The following C8A variants were observed in gnomAD, a reference collection of about 807,000 sequenced individuals.
C8A encodes complement C8 alpha chain.
C8A carries 67 observed loss-of-function variants against 65.3 expected under a neutral mutation model. The observed-to-expected ratio is 1.03, with a 90% CI of 0.84 to 1.26. The LOEUF (loss-of-function observed/expected upper bound fraction) is 1.26, where lower values mean the gene tolerates loss of function less well. C8A is among the 50% of genes most tolerant of loss of function. C8A has a pLI of 0.00. For synonymous variants in C8A, 290 were observed against 259.4 expected (o/e 1.12, Z -1.13); for missense variants, 781 against 723.9 (o/e 1.08, Z -0.90).
At chr1:56,855,566 G>T (rs1000549195) in intron 1 of C8A, among the ~76,000 whole-genome samples, 3 of 151,446 alleles carry the variant, frequency 2.0e-5, no homozygotes, top group Non-Finnish European at 4.4e-5. Flanking sequence ...AGAGGGAGGT[G>T]ATGTAGTTTC....
intron 6 of C8A, among the ~76,000 whole-genome samples, chr1:56,883,910 GC>G (rs11325537): frequency 0.16 from 23,964 of 150,996 alleles, 2,191 homozygotes; most frequent in East Asian, 0.35. Context: ...TTATCACTTT[GC>G]CCCCCCCATC....
At chr1:56,886,570 C>T (rs1644302129) in intron 7 of C8A, among the ~76,000 whole-genome samples, 1 of 152,098 alleles carries the variant, frequency 6.6e-6, no homozygotes. Context: ...CCTCCTTCTC[C>T]TTCACTCCGG....
chr1:56,912,475 C>A lies in C8A; in HGVS notation c.1453C>A (p.Arg485Ser), dbSNP rs370599466. 1 of 1,614,200 alleles carries A rather than the reference C, an allele frequency of 6.2e-7. No individual in the cohort carries two copies. The highest frequency in any genetic ancestry group is 8.5e-7 in the Non-Finnish European group (1 of 1,180,034). The change falls in exon 10 of 11, where the codon CGC becomes AGC. Residue 485 changes from arginine (R) to serine (S), a missense_variant. Arg to Ser is a moderately radical substitution (Grantham distance 110, BLOSUM62 -1). Transcript: ENST00000361249. ...PLEAKRQNLR[R>S]ALDQYLMEFN... is the part of the protein sequence containing the mutation. Reference sequence around the variant, plus strand: ...GGAGGCCAAGCGCCAGAACCTGCGCCGCGCCTTGGACCAGTATCTGATGGA... The same window carrying A: ...GGAGGCCAAGCGCCAGAACCTGCGCAGCGCCTTGGACCAGTATCTGATGGA...
At chr1:56,917,480 A>G (rs1239000086) in intron 10 of C8A, 85 bp from the exon 11 acceptor site, 3 of 1,441,586 alleles carry the variant, frequency 2.1e-6, no homozygotes, top group East Asian at 4.6e-5. Context: ...AGGGTGCCAC[A>G]CACCCCTCCC....
chr1:56,867,709 C>A lies in C8A; in HGVS notation c.171+7C>A. 4 of 1,607,102 alleles carry A rather than the reference C, an allele frequency of 2.5e-6. No individual in the cohort carries two copies. In the Middle Eastern group the frequency reaches 6.6e-4, roughly 266 times the overall value. On this transcript the variant is annotated splice_region_variant and intron_variant, in intron 2 of 10. Coordinates refer to ENST00000361249, the MANE Select transcript of C8A (RefSeq NM_000562.3). ...TCCGTGCCAGGACAAAAAGGTGAGA[C>A]ACTTACAACCGGTTTGGGGGCATTT...
chr1:56,886,024 T>G lies in C8A; in HGVS notation c.953T>G (p.Leu318Ter), dbSNP rs1336783111. Residue 318 changes from leucine (L) to a stop codon, truncating the protein, a stop_gained, in exon 7 of 11, where the codon TTA becomes TGA. Transcript: ENST00000361249. LOFTEE classifies it high-confidence loss of function. ...CTGGATGAAGGAATGCTGCAGTCAT[T>G]AATGGAGCTTCCAGATCAGTACAAT... ...IMLDEGMLQS[L>*]MELPDQYNYG... The G allele has an allele frequency of 6.2e-7, 1 of 1,614,080 alleles. No homozygotes were observed. The highest frequency in any genetic ancestry group is 1.7e-5 in the Admixed American group (1 of 59,998).
chr1:56,859,611 C>G (rs1340800758), intron 1 of C8A, among the ~76,000 whole-genome samples: 1 of 152,146 alleles, frequency 6.6e-6, no homozygotes, highest in East Asian at 1.9e-4. Context: ...ATCTAGCACA[C>G]AGTGGATACT....
intron 7 of C8A, among the ~76,000 whole-genome samples, chr1:56,905,604 T>A (rs1191638330): frequency 6.6e-6 from 1 of 152,244 alleles, no homozygotes; most frequent in East Asian, 1.9e-4. Context: ...TAAACTTTGA[T>A]GCTCAATACT....
At chr1:56,907,195 T>C (rs1475909636) in intron 8 of C8A, among the ~76,000 whole-genome samples, 2 of 152,224 alleles carry the variant, frequency 1.3e-5, no homozygotes, top group Non-Finnish European at 2.9e-5. Context: ...AGAGGGATTG[T>C]ACAGGAATAT....
chr1:56,892,373 G>T (rs1210658298), intron 7 of C8A, among the ~76,000 whole-genome samples: 1 of 152,076 alleles, frequency 6.6e-6, no homozygotes, highest in Admixed American at 6.6e-5. Flanking sequence ...GGGAGGCATG[G>T]TTTCCTCATT....
At position 56,917,879 on chromosome 1, in the gene C8A, A is replaced by G; in HGVS notation, c.*163A>G. The G allele has an allele frequency of 1.3e-6, 1 of 742,116 alleles. No individual in the cohort carries two copies. Among genetic ancestry groups the G allele is most frequent in the South Asian group, 1.8e-5 (1 of 54,346 alleles). The allele number at this position is 742,116 out of a possible 1,614,324, so 46.0% of individuals were successfully genotyped here. On this transcript the variant is annotated 3_prime_UTR_variant, in exon 11 of 11. Coordinates refer to ENST00000361249, the MANE Select transcript of C8A (RefSeq NM_000562.3). The stretch of plus-strand genomic sequence containing the variant: ...GACTAGGTTTTGCTGTCTACAGCCA[A>G]CTATTCTATTAGTTACAAAACTCAA...
In C8A at chr1:56,875,005, T is replaced by G; in HGVS notation, c.228T>G (p.Gly76=). The G allele has an allele frequency of 2.5e-6, 4 of 1,613,776 alleles. No individual in the cohort carries two copies. Among genetic ancestry groups the G allele is most frequent in the Non-Finnish European group, 3.4e-6 (4 of 1,179,836 alleles). ...AGTTTGGGGGAACCATCTGCAGTGG[T>G]GACATCTGGGATCAAGCCAGCTGCT... ...PNKFGGTICS[G]DIWDQASCSS... The change falls in exon 3 of 11, where the codon GGT becomes GGG. Residue 76 remains glycine (G), a synonymous_variant. Transcript: ENST00000361249.
intron 7 of C8A, among the ~76,000 whole-genome samples, chr1:56,886,816 C>T (rs933364146): frequency 2.6e-5 from 4 of 152,154 alleles, no homozygotes; most frequent in African/African-American, 9.7e-5. Flanking sequence ...AGAATAAAGA[C>T]TATTAGCATC....
chr1:56,904,941 A>T (rs1644452803), intron 7 of C8A, among the ~76,000 whole-genome samples: 1 of 152,144 alleles, frequency 6.6e-6, no homozygotes, highest in African/African-American at 2.4e-5. Flanking sequence ...AGCCCCCATT[A>T]ATCAGCCTGT....
intron 6 of C8A, among the ~76,000 whole-genome samples, chr1:56,885,634 C>T (rs967149031): frequency 3.3e-5 from 5 of 150,476 alleles, no homozygotes; most frequent in South Asian, 2.1e-4. Flanking sequence ...TCACCGCAAC[C>T]TCTGACTCCC....
At chr1:56,905,448 T>G (rs960682927) in intron 7 of C8A, among the ~76,000 whole-genome samples, 1 of 152,206 alleles carries the variant, frequency 6.6e-6, no homozygotes, top group Non-Finnish European at 1.5e-5. Context: ...ATTTATTTAC[T>G]CATTTTTTTC....
rs1644248388 is a variant in C8A, at chr1:56,881,582, A to G, written c.602A>G (p.Asp201Gly). ...ACCTGTGAACGTCTCTACTATGGAG[A>G]TGATGAGAAATACTTTCGGAAACCC... Reference protein sequence around the residue: ...DSTCERLYYGDDEKYFRKPYN... With the variant: ...DSTCERLYYGGDEKYFRKPYN... The change falls in exon 5 of 11, where the codon GAT becomes GGT. Residue 201 changes from aspartate to glycine, a missense_variant. Asp to Gly is a moderately conservative substitution (Grantham distance 94). Coordinates refer to ENST00000361249, the MANE Select transcript of C8A (RefSeq NM_000562.3). 1.2e-6 allele frequency: 2 copies of G among 1,613,638 alleles called. No individual in the cohort carries two copies. The highest frequency in any genetic ancestry group is 2.7e-5 in the African/African-American group (2 of 74,888).
chr1:56,868,806 C>T (rs1644116147), intron 2 of C8A, among the ~76,000 whole-genome samples: 1 of 152,158 alleles, frequency 6.6e-6, no homozygotes, highest in Non-Finnish European at 1.5e-5. Flanking sequence ...CAGTTCTGCA[C>T]TTTAGATCCA....
chr1:56,916,852 G>C (rs1049190366), intron 10 of C8A, among the ~76,000 whole-genome samples: 2 of 152,240 alleles, frequency 1.3e-5, no homozygotes, highest in Non-Finnish European at 2.9e-5. Context: ...TCCATGGTCA[G>C]TGCATGTGTT....
Sources: allele counts gnomAD v4.1 joint callset (sites outside exome capture counted in the v4.1 genomes callset), GRCh38; gene constraint gnomAD v4.1.1; transcripts MANE v1.5; gene names NCBI Gene and HGNC (gene_info 2026-07-23, HGNC 2026-07-21).